The following CHSY3 variants were observed in gnomAD, a reference collection of about 807,000 sequenced individuals.
The protein encoded by CHSY3 is chondroitin sulfate synthase 3.
Under a neutral mutation model 67.2 loss-of-function variants are expected in CHSY3, and 35 were observed. The ratio of observed to expected loss-of-function variants is 0.52; its 90% CI spans 0.40 to 0.69. The LOEUF (loss-of-function observed/expected upper bound fraction) is 0.69, where lower values mean the gene tolerates loss of function less well. CHSY3 is among the 30% of genes least tolerant of loss of function. The probability of loss-of-function intolerance (pLI) is 0.00; values close to 1 mark genes in which losing one functional copy is unlikely to be tolerated. For missense variants in CHSY3, 1,069 were observed against 1,138.5 expected (o/e 0.94, Z 0.88); for synonymous variants, 474 against 434.7 (o/e 1.09, Z -1.12).
chr5:129,980,215 A>G (rs894492987), intron 2 of CHSY3, among the ~76,000 whole-genome samples: 1 of 152,366 alleles, frequency 6.6e-6, no homozygotes, highest in African/African-American at 2.4e-5. Context: ...CATCCCAGCA[A>G]TAAATGGGAG....
At chr5:129,969,162 T>A (rs996475116) in intron 2 of CHSY3, among the ~76,000 whole-genome samples, 10 of 151,784 alleles carry the variant, frequency 6.6e-5, no homozygotes, top group Non-Finnish European at 1.2e-4. Flanking sequence ...ACAGATCCTT[T>A]CCTATTTTCC....
chr5:129,933,759 A>G (rs952190280), intron 2 of CHSY3, among the ~76,000 whole-genome samples: 1 of 152,174 alleles, frequency 6.6e-6, no homozygotes, highest in African/African-American at 2.4e-5. Flanking sequence ...ATTCTTTTGT[A>G]TAATTCTATT....
At position 129,958,512 on chromosome 5, in the gene CHSY3, C is replaced by T. The variant is rs577143624; in HGVS notation, c.1086+50152C>T. Among the ~76,000 whole-genome samples the T allele has an allele frequency of 2.6e-5, 4 of 152,124 alleles. No homozygotes were observed. In the East Asian group the frequency reaches 7.7e-4, roughly 29 times the overall value. Reference sequence around the variant, plus strand: ...CCAGGTCACTTTAACATTTTTGTAACTTTTGTACAAAAGATTTTGTAACTT... The same window carrying T: ...CCAGGTCACTTTAACATTTTTGTAATTTTTGTACAAAAGATTTTGTAACTT... On this transcript the variant is annotated intron_variant, in intron 2 of 2. Coordinates refer to ENST00000305031, the MANE Select transcript of CHSY3 (RefSeq NM_175856.5).
chr5:129,959,586 A>G (rs754120206), intron 2 of CHSY3, among the ~76,000 whole-genome samples: 3 of 152,144 alleles, frequency 2.0e-5, no homozygotes, highest in Non-Finnish European at 4.4e-5. Flanking sequence ...ATAAACATAT[A>G]TTTATGATCT....
intron 2 of CHSY3, among the ~76,000 whole-genome samples, chr5:130,145,595 G>C (rs1159913684): frequency 1.3e-5 from 2 of 152,086 alleles, no homozygotes; most frequent in African/African-American, 4.8e-5. Context: ...AACAAAAACA[G>C]ACAAATGAGA....
At chr5:130,141,740 G>A (rs941656892) in intron 2 of CHSY3, 2 of 496,832 alleles carry the variant, frequency 4.0e-6, no homozygotes, top group South Asian at 3.1e-5. Flanking sequence ...CTTGATAAGG[G>A]TATTAAAATT....
At chr5:130,094,704 A>G (rs1228986495) in intron 2 of CHSY3, among the ~76,000 whole-genome samples, 1 of 151,722 alleles carries the variant, frequency 6.6e-6, no homozygotes, top group African/African-American at 2.4e-5. Context: ...AGGAAGTGGC[A>G]GGGGGGTAGA....
chr5:130,161,377 T>C (rs1265022433), intron 2 of CHSY3, among the ~76,000 whole-genome samples: 1 of 152,230 alleles, frequency 6.6e-6, no homozygotes, highest in Non-Finnish European at 1.5e-5. Context: ...TCCCTTACAT[T>C]ACTCAAATAA....
chr5:130,061,580 T>G (rs1233654912), intron 2 of CHSY3, among the ~76,000 whole-genome samples: 1 of 152,116 alleles, frequency 6.6e-6, no homozygotes, highest in Non-Finnish European at 1.5e-5. Context: ...TAAAAGCTTC[T>G]GCACAGCAAA....
intron 2 of CHSY3, among the ~76,000 whole-genome samples, chr5:130,178,335 A>C (rs1770140694): frequency 6.9e-6 from 1 of 144,264 alleles, no homozygotes; most frequent in South Asian, 2.2e-4. Flanking sequence ...AGCTCACTGC[A>C]AGCTCCGCCT....
At chr5:130,102,462 C>T (rs977262690) in intron 2 of CHSY3, among the ~76,000 whole-genome samples, 5 of 151,204 alleles carry the variant, frequency 3.3e-5, no homozygotes, top group Non-Finnish European at 7.4e-5. Flanking sequence ...TGAGAAAGAT[C>T]TTGTTTTTTA....
chr5:130,060,828 CAAAT>C (rs983580274), intron 2 of CHSY3, among the ~76,000 whole-genome samples: 5 of 151,792 alleles, frequency 3.3e-5, no homozygotes, highest in African/African-American at 9.7e-5. Flanking sequence ...CACACACACA[CAAAT>C]AAACACCTAG....
chr5:129,999,411 T>C (rs1314933522), intron 2 of CHSY3, among the ~76,000 whole-genome samples: 1 of 152,158 alleles, frequency 6.6e-6, no homozygotes, highest in Non-Finnish European at 1.5e-5. Context: ...TATACTATCA[T>C]GATAGTGTGT....
intron 2 of CHSY3, among the ~76,000 whole-genome samples, chr5:130,068,792 C>A (rs181514913): frequency 1.3e-5 from 2 of 152,098 alleles, no homozygotes; most frequent in Non-Finnish European, 2.9e-5. Flanking sequence ...GGTTCTGGCT[C>A]GAAGAGCTGA....
At chr5:129,948,116 C>T (rs1375501746) in intron 2 of CHSY3, among the ~76,000 whole-genome samples, 1 of 152,092 alleles carries the variant, frequency 6.6e-6, no homozygotes, top group Non-Finnish European at 1.5e-5. Flanking sequence ...ATTGACAAAA[C>T]TGAACTAGAC....
At chr5:130,118,974 G>T (rs1251207155) in intron 2 of CHSY3, among the ~76,000 whole-genome samples, 1 of 152,090 alleles carries the variant, frequency 6.6e-6, no homozygotes, top group Non-Finnish European at 1.5e-5. Flanking sequence ...ATGATGAGGA[G>T]GGAGCATATA....
rs183081001 is a variant in CHSY3 at position 130,162,148 on chromosome 5, G to A, written c.1087-22081G>A. 3.1e-4 allele frequency among the ~76,000 whole-genome samples: 47 copies of A among 151,176 alleles called. 1 individual carries two copies. The East Asian group carries it at 3.3e-3, about 11-fold the overall frequency. On this transcript the variant is annotated intron_variant, in intron 2 of 2. Coordinates refer to ENST00000305031, the MANE Select transcript of CHSY3 (RefSeq NM_175856.5). ...AATTAATTTTACCCCTCAATAAACC[G>A]TTTACCTATTGACATTTTTGTGATA...
chr5:130,100,142 C>A (rs1420702316), intron 2 of CHSY3, among the ~76,000 whole-genome samples: 1 of 152,092 alleles, frequency 6.6e-6, no homozygotes, highest in African/African-American at 2.4e-5. Context: ...CATAGAAGGG[C>A]AGACATAAAA....
At chr5:130,182,902 G>T (rs1770292354) in intron 2 of CHSY3, among the ~76,000 whole-genome samples, 1 of 148,832 alleles carries the variant, frequency 6.7e-6, no homozygotes. Context: ...CCTTAGCCCT[G>T]CCAGTTTACT....
Sources: allele counts gnomAD v4.1 joint callset (sites outside exome capture counted in the v4.1 genomes callset), GRCh38; gene constraint gnomAD v4.1.1; transcripts MANE v1.5; gene names NCBI Gene and HGNC (gene_info 2026-07-23, HGNC 2026-07-21).